PHLDB2: variants seen among roughly 807,000 people sequenced by gnomAD.
The protein encoded by PHLDB2 is pleckstrin homology-like domain family B member 2.
In PHLDB2, 71 loss-of-function variants were observed where a neutral mutation model predicts 123.6. The ratio of observed to expected loss-of-function variants is 0.57; its 90% CI spans 0.47 to 0.70. The LOEUF is 0.70. Among genes scored for constraint, PHLDB2 ranks in the 30% least tolerant of loss-of-function variants. PHLDB2 has a pLI of 0.00. For synonymous variants in PHLDB2, 547 were observed against 541.6 expected (o/e 1.01, Z -0.14); for missense variants, 1,446 against 1,519.5 (o/e 0.95, Z 0.80).
chr3:111,943,392 C>G (rs1296762753), intron 8 of PHLDB2, among the ~76,000 whole-genome samples: 1 of 151,824 alleles, frequency 6.6e-6, no homozygotes, highest in Non-Finnish European at 1.5e-5. Context: ...ATATCAGAGA[C>G]CTCAATATAA....
intron 1 of PHLDB2, among the ~76,000 whole-genome samples, chr3:111,834,268 TACATA>T (rs2063289037): frequency 8.8e-6 from 1 of 114,030 alleles, no homozygotes; most frequent in African/African-American, 3.1e-5. Context: ...TTCTATTATA[TACATA>T]ATATATATAA....
At chr3:111,770,393 A>G (rs1033494512) in intron 1 of PHLDB2, among the ~76,000 whole-genome samples, 1 of 152,138 alleles carries the variant, frequency 6.6e-6, no homozygotes, top group African/African-American at 2.4e-5. Flanking sequence ...TTGCAAATTT[A>G]GTTTGGCATC....
intron 1 of PHLDB2, among the ~76,000 whole-genome samples, chr3:111,742,432 G>C (rs12330663): frequency 0.03 from 4,486 of 152,052 alleles, 90 homozygotes; most frequent in Non-Finnish European, 0.043. Flanking sequence ...TTTACATTAG[G>C]TATATCTCCT....
At chr3:111,935,069 T>G (rs72940212) in intron 6 of PHLDB2, among the ~76,000 whole-genome samples, 4 of 150,598 alleles carry the variant, frequency 2.7e-5, no homozygotes, top group African/African-American at 9.7e-5. Context: ...TTTACTCAAA[T>G]GAATGGTTGA....
At chr3:111,881,980 A>T (rs1018513960) in intron 1 of PHLDB2, among the ~76,000 whole-genome samples, 3 of 152,188 alleles carry the variant, frequency 2.0e-5, no homozygotes, top group Non-Finnish European at 4.4e-5. Context: ...CTGTGTGTGT[A>T]TAATCCATGT....
rs536161098 is a variant in PHLDB2 at position 111,859,357 on chromosome 3, C to T, written c.-234C>T. Reference sequence around the variant, plus strand: ...CCAGCAGCCGTGAAAGCCCCAACAGCAAACTGCCTGGGAGCGGGGCAGGTC... The same window carrying T: ...CCAGCAGCCGTGAAAGCCCCAACAGTAAACTGCCTGGGAGCGGGGCAGGTC... On this transcript the variant is annotated 5_prime_UTR_variant, in exon 1 of 18. Coordinates refer to ENST00000431670, the MANE Select transcript of PHLDB2 (RefSeq NM_001134438.2). 2.0e-6 allele frequency: 2 copies of T among 985,704 alleles called. No homozygotes were observed. Among genetic ancestry groups the T allele is most frequent in the African/African-American group, 3.5e-5 (2 of 57,388 alleles). 61.1% of individuals were successfully genotyped at this position (985,704 alleles called of 1,614,324 possible).
At chr3:111,860,430 T>C (rs1201111419) in intron 1 of PHLDB2, among the ~76,000 whole-genome samples, 2 of 152,200 alleles carry the variant, frequency 1.3e-5, no homozygotes, top group Non-Finnish European at 2.9e-5. Flanking sequence ...GGGGAGTATT[T>C]TAACCCTCTG....
chr3:111,861,618 G>A (rs1361277002), intron 1 of PHLDB2, among the ~76,000 whole-genome samples: 1 of 152,152 alleles, frequency 6.6e-6, no homozygotes, highest in Non-Finnish European at 1.5e-5. Flanking sequence ...TGTTGAGATC[G>A]TCTGCCACGA....
chr3:111,971,685 C>T (rs911122112), intron 16 of PHLDB2, among the ~76,000 whole-genome samples: 5 of 152,166 alleles, frequency 3.3e-5, no homozygotes, highest in Admixed American at 6.5e-5. Flanking sequence ...ATAGACCAGT[C>T]CGCAGGCAGT....
At chr3:111,890,748 A>G (rs2066433197) in intron 2 of PHLDB2, among the ~76,000 whole-genome samples, 1 of 152,166 alleles carries the variant, frequency 6.6e-6, no homozygotes, top group South Asian at 2.1e-4. Context: ...TGTATCTCCA[A>G]GGGCCTATTA....
At chr3:111,839,939 G>GCTT (rs1559861723) in intron 1 of PHLDB2, among the ~76,000 whole-genome samples, 5 of 51,782 alleles carry the variant, frequency 9.7e-5, no homozygotes, top group Non-Finnish European at 1.5e-4. Context: ...CCCCACCCCC[G>GCTT]CTTTTTTTTT....
chr3:111,809,162 G>T (rs1015447637), intron 1 of PHLDB2, among the ~76,000 whole-genome samples: 1 of 152,194 alleles, frequency 6.6e-6, no homozygotes, highest in Non-Finnish European at 1.5e-5. Context: ...TTGTGAAACT[G>T]TAACATGACA....
chr3:111,827,833 A>G (rs973245546), intron 1 of PHLDB2, among the ~76,000 whole-genome samples: 6 of 152,134 alleles, frequency 3.9e-5, no homozygotes, highest in Non-Finnish European at 5.9e-5. Context: ...GTAGAGTCTC[A>G]GGGCTTACTA....
At chr3:111,961,944 G>A in intron 12 of PHLDB2, 164 bp from the exon 13 acceptor site, 2 of 668,882 alleles carry the variant, frequency 3.0e-6, no homozygotes, top group Non-Finnish European at 5.1e-6. Context: ...TGCTTGCACT[G>A]AGCACGGTGC....
chr3:111,966,608 T>C lies in PHLDB2; in HGVS notation c.3078-5T>C. 1 of 1,609,644 alleles carries C rather than the reference T, an allele frequency of 6.2e-7. No homozygotes were observed. On this transcript the variant is annotated splice_polypyrimidine_tract_variant and splice_region_variant and intron_variant, in intron 13 of 17. Coordinates refer to ENST00000431670, the MANE Select transcript of PHLDB2 (RefSeq NM_001134438.2). Reference sequence around the variant, plus strand: ...ATTCTCAAAAGGCTTTGGTGTTTCATTCAGTGCCAGCACTTCAAATATTGC... The same window carrying C: ...ATTCTCAAAAGGCTTTGGTGTTTCACTCAGTGCCAGCACTTCAAATATTGC...
chr3:111,925,593 GA>G (rs1201799049), intron 5 of PHLDB2, among the ~76,000 whole-genome samples: 4 of 152,230 alleles, frequency 2.6e-5, no homozygotes, highest in African/African-American at 9.7e-5. Flanking sequence ...TATAGCAAGT[GA>G]AAGAAGATTG....
At chr3:111,817,770 C>T (rs554437279) in intron 1 of PHLDB2, among the ~76,000 whole-genome samples, 6 of 152,216 alleles carry the variant, frequency 3.9e-5, no homozygotes, top group African/African-American at 1.4e-4. Flanking sequence ...ATTCTGTAAA[C>T]ACACTAATAA....
chr3:111,931,093 A>G (rs2069124480), intron 5 of PHLDB2, among the ~76,000 whole-genome samples: 1 of 152,218 alleles, frequency 6.6e-6, no homozygotes, highest in African/African-American at 2.4e-5. Flanking sequence ...TTCAGAGGAA[A>G]ATCCTTAAAA....
At position 111,884,654 on chromosome 3, in the gene PHLDB2, A is replaced by T. The variant is rs781374324; in HGVS notation, c.577A>T (p.Ile193Phe). The change falls in exon 2 of 18, where the codon ATC becomes TTC. Residue 193 changes from isoleucine (I) to phenylalanine (F), a missense_variant. Physicochemically the swap from Ile to Phe is conservative, Grantham distance 21. Transcript: ENST00000431670. The part of the protein sequence containing the change: ...SSLSDAGPPP[I>F]SRSGAASMPS... Reference sequence around the variant, plus strand: ...CCTGAGTGATGCTGGCCCGCCTCCTATCAGCAGATCGGGAGCCGCAAGCAT... The same window carrying T: ...CCTGAGTGATGCTGGCCCGCCTCCTTTCAGCAGATCGGGAGCCGCAAGCAT... 3.7e-6 allele frequency: 6 copies of T among 1,614,024 alleles called. No homozygotes were observed. The South Asian group carries it at 4.4e-5, about 12-fold the overall frequency.
Sources: allele counts gnomAD v4.1 joint callset (sites outside exome capture counted in the v4.1 genomes callset), GRCh38; gene constraint gnomAD v4.1.1; transcripts MANE v1.5; gene names NCBI Gene and HGNC (gene_info 2026-07-23, HGNC 2026-07-21).